The following ADAMTS19 variants were observed in gnomAD, a reference collection of about 807,000 sequenced individuals.
ADAMTS19 encodes ADAM metallopeptidase with thrombospondin type 1 motif 19, also known as A disintegrin and metalloproteinase with thrombospondin motifs 19.
A neutral mutation model predicts 153.3 loss-of-function variants in ADAMTS19; 93 were observed. That is an observed-to-expected ratio of 0.61 (90% CI 0.51 to 0.72). ADAMTS19 has a LOEUF of 0.72. Among genes scored for constraint, ADAMTS19 ranks in the 30% least tolerant of loss-of-function variants. The pLI is 0.00. For synonymous variants in ADAMTS19, 600 were observed against 556.6 expected, an observed-to-expected ratio of 1.08 and a Z score of -1.10; for missense variants, 1,482 against 1,552.1, an observed-to-expected ratio of 0.95 and a Z score of 0.76.
chr5:129,635,460 G>A (rs1011416301), intron 10 of ADAMTS19, among the ~76,000 whole-genome samples: 2 of 152,154 alleles, frequency 1.3e-5, no homozygotes, highest in Non-Finnish European at 2.9e-5. Context: ...GCATGTATGT[G>A]TTTACTGCAG....
chr5:129,521,530 G>A (rs867055509), intron 3 of ADAMTS19, among the ~76,000 whole-genome samples: 3 of 152,086 alleles, frequency 2.0e-5, no homozygotes, highest in Non-Finnish European at 4.4e-5. Flanking sequence ...CAGTCCCAAA[G>A]CTAGTAAGTA....
chr5:129,722,999 TTTTCTCTCATTTG>T (rs1757066221), intron 21 of ADAMTS19, among the ~76,000 whole-genome samples: 1 of 152,212 alleles, frequency 6.6e-6, no homozygotes, highest in South Asian at 2.1e-4. Context: ...CACATTTTCA[TTTTCTCTCATTTG>T]TCTGTGTTTA....
intron 13 of ADAMTS19, among the ~76,000 whole-genome samples, chr5:129,652,157 A>G (rs1016464422): frequency 1.3e-4 from 20 of 152,204 alleles, no homozygotes; most frequent in African/African-American, 4.6e-4. Flanking sequence ...ACCTATTTGT[A>G]TAATCAGCAG....
intron 3 of ADAMTS19, among the ~76,000 whole-genome samples, chr5:129,512,424 G>T (rs1751471591): frequency 6.6e-6 from 1 of 152,020 alleles, no homozygotes; most frequent in African/African-American, 2.4e-5. Flanking sequence ...TTTTATACAT[G>T]CATTTGGATA....
At chr5:129,673,973 G>A (rs1300438928) in intron 16 of ADAMTS19, among the ~76,000 whole-genome samples, 1 of 152,168 alleles carries the variant, frequency 6.6e-6, no homozygotes, top group Non-Finnish European at 1.5e-5. Context: ...ACTCACGCCT[G>A]TAATGCCAGC....
chr5:129,526,397 A>G lies in ADAMTS19; in HGVS notation c.1027A>G (p.Met343Val), dbSNP rs752926944. 5 of 1,604,372 alleles carry G rather than the reference A, an allele frequency of 3.1e-6. No homozygotes were observed. The South Asian group carries it at 3.3e-5, about 11-fold the overall frequency. Residue 343 changes from methionine (M) to valine (V), a missense_variant, in exon 4 of 23, where the codon ATG becomes GTG. Met to Val is a conservative substitution (Grantham distance 21). Around this residue, in one of 2 missense-constraint regions of ADAMTS19, gnomAD observed 866 missense variants for 827.7 expected, o/e 1.05. Transcript: ENST00000274487. ...IETVVVADPA[M>V]VSYHGADAAR... ...GACTGTAGTGGTTGCAGACCCAGCAATGGTTTCCTATCATGGAGCAGATGC... is the reference window on the plus strand; with the variant it reads ...GACTGTAGTGGTTGCAGACCCAGCAGTGGTTTCCTATCATGGAGCAGATGC...
chr5:129,656,370 G>A (rs1226361276), intron 14 of ADAMTS19, among the ~76,000 whole-genome samples: 1 of 152,112 alleles, frequency 6.6e-6, no homozygotes, highest in Non-Finnish European at 1.5e-5. Flanking sequence ...AACAATTGGG[G>A]GTTTGACTAG....
At chr5:129,657,089 C>CT (rs1471128113) in intron 14 of ADAMTS19, among the ~76,000 whole-genome samples, 2 of 152,210 alleles carry the variant, frequency 1.3e-5, no homozygotes, top group Non-Finnish European at 2.9e-5. Context: ...GTGGCTACTT[C>CT]TTTCATCTAG....
intron 18 of ADAMTS19, among the ~76,000 whole-genome samples, chr5:129,690,301 GA>G (rs2127140653): frequency 6.6e-6 from 1 of 152,338 alleles, no homozygotes; most frequent in Admixed American, 6.5e-5. Context: ...GGCTTTCTTG[GA>G]AGTGAAAATG....
rs1325201640 is a variant in ADAMTS19, at chr5:129,563,799, A to G, written c.1372+11892A>G. Among the ~76,000 whole-genome samples, 10 of 152,342 alleles carry G rather than the reference A, an allele frequency of 6.6e-5. No homozygotes were observed. The East Asian group carries it at 1.2e-3, about 18-fold the overall frequency. On this transcript the variant is annotated intron_variant, in intron 7 of 22. Transcript: ENST00000274487. ...GGTAGACAGAATTCTAAATATGGCA[A>G]TCCCAAGATTTCTGACCTCTAGCTA...
rs555947994 is a variant in ADAMTS19 at position 129,717,125 on chromosome 5, C to T, written c.3312+12734C>T. 3.9e-5 allele frequency among the ~76,000 whole-genome samples: 6 copies of T among 152,280 alleles called. No individual in the cohort carries two copies. In the East Asian group the frequency reaches 9.7e-4, roughly 24 times the overall value. On this transcript the variant is annotated intron_variant, in intron 21 of 22. Transcript: ENST00000274487. ...ATGACAGCCTTAGAACTCCTTGGTA[C>T]ATATTGATTACATTAGTTTTTCACA...
chr5:129,708,590 CAAAAAA>C (rs1174701520), intron 21 of ADAMTS19, among the ~76,000 whole-genome samples: 58 of 61,812 alleles, frequency 9.4e-4, no homozygotes, highest in Middle Eastern at 0.016. Context: ...AGCAGAGAAG[CAAAAAA>C]AAAAAAAAAA....
intron 16 of ADAMTS19, among the ~76,000 whole-genome samples, chr5:129,678,516 C>A (rs1754653822): frequency 6.6e-6 from 1 of 151,586 alleles, no homozygotes; most frequent in Non-Finnish European, 1.5e-5. Flanking sequence ...TGAATGTTGC[C>A]TGAGTTATGG....
chr5:129,632,007 G>A (rs534669824), intron 10 of ADAMTS19, among the ~76,000 whole-genome samples: 1 of 151,884 alleles, frequency 6.6e-6, no homozygotes, highest in African/African-American at 2.4e-5. Flanking sequence ...CTCTTTAAGA[G>A]GCCTGATCTG....
chr5:129,686,733 G>C (rs185091983), intron 18 of ADAMTS19, among the ~76,000 whole-genome samples: 1 of 152,140 alleles, frequency 6.6e-6, no homozygotes, highest in East Asian at 1.9e-4. Flanking sequence ...GACTCCAGGA[G>C]CATCTTTGCC....
At chr5:129,514,099 T>C in intron 3 of ADAMTS19, among the ~76,000 whole-genome samples, 1 of 151,070 alleles carries the variant, frequency 6.6e-6, no homozygotes, top group East Asian at 1.9e-4. Context: ...GTTCCATCCA[T>C]GTTGCTGCAA....
intron 10 of ADAMTS19, among the ~76,000 whole-genome samples, chr5:129,631,898 CTT>C (rs984634590): frequency 1.3e-5 from 2 of 151,862 alleles, no homozygotes; most frequent in Non-Finnish European, 2.9e-5. Flanking sequence ...TTTTTTAACT[CTT>C]TATTTCCCTC....
intron 2 of ADAMTS19, among the ~76,000 whole-genome samples, chr5:129,491,103 G>A (rs1196834905): frequency 3.3e-5 from 5 of 152,178 alleles, no homozygotes; most frequent in African/African-American, 9.6e-5. Context: ...CCAGGTTCAC[G>A]CCATTCTTCT....
intron 7 of ADAMTS19, among the ~76,000 whole-genome samples, chr5:129,558,099 G>T (rs1359023778): frequency 7.1e-6 from 1 of 139,890 alleles, no homozygotes; most frequent in Admixed American, 7.2e-5. Flanking sequence ...TTAACCAGTA[G>T]AAGTCACTTA....
Sources: gnomAD v4.1 joint callset for allele counts (sites outside exome capture counted in the v4.1 genomes callset) on GRCh38, gnomAD v4.1.1 for gene constraint, gnomAD v4.1.1 regional missense constraint, MANE v1.5 for transcripts, NCBI Gene and HGNC (gene_info 2026-07-23, HGNC 2026-07-21) for gene names.